The following DLGAP2 variants were observed in gnomAD, a reference collection of about 807,000 sequenced individuals.
The protein encoded by DLGAP2 is DLG associated protein 2.
In DLGAP2, 26 loss-of-function variants were observed where a neutral mutation model predicts 100.3. That is an observed-to-expected ratio of 0.26 (90% CI 0.19 to 0.36). The LOEUF (loss-of-function observed/expected upper bound fraction) is 0.36, where lower values mean the gene tolerates loss of function less well. Among genes scored for constraint, DLGAP2 ranks in the 10% least tolerant of loss-of-function variants. DLGAP2 has a pLI of 1.00. For synonymous variants in DLGAP2, 886 were observed against 630.1 expected (o/e 1.41, Z -6.08); for missense variants, 1,858 against 1,453.2 (o/e 1.28, Z -4.53).
chr8:1,447,788 G>T (rs563233924), intron 3 of DLGAP2, among the ~76,000 whole-genome samples: 57 of 152,252 alleles, frequency 3.7e-4, no homozygotes, highest in Admixed American at 1.8e-3. Context: ...TATTCAGAGA[G>T]TCAACTTCTT....
At chr8:1,381,873 T>C (rs569134182) in intron 3 of DLGAP2, among the ~76,000 whole-genome samples, 2 of 151,618 alleles carry the variant, frequency 1.3e-5, no homozygotes, top group African/African-American at 4.8e-5. Flanking sequence ...AGGAATTCCA[T>C]GTCTACACAT....
At chr8:778,564 G>C (rs1405608634) in intron 1 of DLGAP2, among the ~76,000 whole-genome samples, 2 of 152,144 alleles carry the variant, frequency 1.3e-5, no homozygotes, top group Non-Finnish European at 2.9e-5. Context: ...TCCTCCTAAC[G>C]GACAGGACCC....
At chr8:1,462,502 C>G (rs1193808243) in intron 3 of DLGAP2, among the ~76,000 whole-genome samples, 1 of 95,680 alleles carries the variant, frequency 1.0e-5, no homozygotes, top group Non-Finnish European at 2.2e-5. Flanking sequence ...GTGCTGCTGT[C>G]ACGTGGGCTG....
intron 2 of DLGAP2, among the ~76,000 whole-genome samples, chr8:1,132,066 A>C (rs1232163071): frequency 6.6e-6 from 1 of 152,234 alleles, no homozygotes; most frequent in Non-Finnish European, 1.5e-5. Flanking sequence ...CAGATAATGC[A>C]CAAAGGTTAG....
intron 1 of DLGAP2, chr8:891,573 C>G (rs983476450): frequency 1.4e-4 from 21 of 152,474 alleles, no homozygotes; most frequent in Middle Eastern, 3.1e-3. Flanking sequence ...ACTGTTCCAT[C>G]TCAGAGAGCG....
intron 8 of DLGAP2, among the ~76,000 whole-genome samples, chr8:1,657,210 T>C (rs2130819076): frequency 6.6e-6 from 1 of 152,344 alleles, no homozygotes; most frequent in East Asian, 1.9e-4. Context: ...TCCCATGTGG[T>C]TGTTTAGTAA....
intron 1 of DLGAP2, among the ~76,000 whole-genome samples, chr8:879,426 G>T (rs1056796411): frequency 1.3e-5 from 2 of 152,186 alleles, no homozygotes; most frequent in East Asian, 3.9e-4. Context: ...TTCCCATGCA[G>T]GTGTCACTTT....
chr8:1,115,434 G>T (rs913214381), intron 2 of DLGAP2, among the ~76,000 whole-genome samples: 1 of 152,120 alleles, frequency 6.6e-6, no homozygotes, highest in Non-Finnish European at 1.5e-5. Context: ...CCTTTACTGG[G>T]CATGTTTCTT....
chr8:1,510,198 A>G (rs1436165731), intron 4 of DLGAP2, among the ~76,000 whole-genome samples: 1 of 152,204 alleles, frequency 6.6e-6, no homozygotes, highest in Non-Finnish European at 1.5e-5. Context: ...TGTGATTTAG[A>G]TGGAAAATTA....
chr8:1,387,380 G>A (rs919908652), intron 3 of DLGAP2, among the ~76,000 whole-genome samples: 1 of 152,012 alleles, frequency 6.6e-6, no homozygotes, highest in Non-Finnish European at 1.5e-5. Context: ...TAGAAACCCT[G>A]AATTGGGCAG....
At chr8:1,215,334 C>T (rs945230606) in intron 2 of DLGAP2, among the ~76,000 whole-genome samples, 1 of 152,242 alleles carries the variant, frequency 6.6e-6, no homozygotes, top group Non-Finnish European at 1.5e-5. Flanking sequence ...AGGCTGATAG[C>T]TGAGGCTGGT....
At chr8:1,439,591 C>A (rs187999287) in intron 3 of DLGAP2, among the ~76,000 whole-genome samples, 49 of 152,246 alleles carry the variant, frequency 3.2e-4, no homozygotes, top group African/African-American at 1.1e-3. Flanking sequence ...CAGTCACTTT[C>A]CTTCCTTTTT....
chr8:862,208 C>T (rs1157581539), intron 1 of DLGAP2, among the ~76,000 whole-genome samples: 3 of 152,100 alleles, frequency 2.0e-5, no homozygotes, highest in Non-Finnish European at 4.4e-5. Context: ...GGCTGAGTCG[C>T]ACCCAGATTC....
At chr8:809,433 A>C (rs1796327676) in intron 1 of DLGAP2, among the ~76,000 whole-genome samples, 1 of 148,506 alleles carries the variant, frequency 6.7e-6, no homozygotes, top group Non-Finnish European at 1.5e-5. Context: ...TAACGTGCTT[A>C]GGGTAAGTAC....
At chr8:1,684,165 G>GTAAC (rs67684962) in intron 12 of DLGAP2, among the ~76,000 whole-genome samples, 16,679 of 150,644 alleles carry the variant, frequency 0.11, 1,284 homozygotes, top group East Asian at 0.27. Flanking sequence ...ATCAGAAAAT[G>GTAAC]TAACTGCATT....
At chr8:1,142,789 T>C (rs1010051138) in intron 2 of DLGAP2, among the ~76,000 whole-genome samples, 4 of 151,912 alleles carry the variant, frequency 2.6e-5, no homozygotes, top group Non-Finnish European at 4.4e-5. Flanking sequence ...AGGCAGAGGA[T>C]TGAAAAGCAA....
intron 3 of DLGAP2, among the ~76,000 whole-genome samples, chr8:1,448,023 T>C (rs1471874559): frequency 6.6e-6 from 1 of 152,180 alleles, no homozygotes; most frequent in Non-Finnish European, 1.5e-5. Flanking sequence ...TTTGTTGATC[T>C]TTTCAAAAAA....
At chr8:887,390 T>TA (rs1334392286) in intron 1 of DLGAP2, among the ~76,000 whole-genome samples, 1 of 152,224 alleles carries the variant, frequency 6.6e-6, no homozygotes, top group Non-Finnish European at 1.5e-5. Flanking sequence ...TTAGTATTGT[T>TA]ATGTATGAAT....
intron 2 of DLGAP2, among the ~76,000 whole-genome samples, chr8:1,178,275 A>C (rs1563233563): frequency 6.6e-6 from 1 of 152,192 alleles, no homozygotes; most frequent in Non-Finnish European, 1.5e-5. Context: ...GTGAGGTTAG[A>C]GGGCTGTGAA....
Sources: gnomAD v4.1 joint callset for allele counts (sites outside exome capture counted in the v4.1 genomes callset) on GRCh38, gnomAD v4.1.1 for gene constraint, MANE v1.5 for transcripts, NCBI Gene and HGNC (gene_info 2026-07-23, HGNC 2026-07-21) for gene names.